CNTN3: variants seen among roughly 807,000 people sequenced by gnomAD.
CNTN3 encodes the protein contactin 3, also known as contactin-3.
A neutral mutation model predicts 119.1 loss-of-function variants in CNTN3; 60 were observed. The observed-to-expected ratio is 0.50, with a 90% CI of 0.41 to 0.62. The LOEUF (loss-of-function observed/expected upper bound fraction) is 0.62. Ranked by LOEUF, CNTN3 falls within the 20% of genes least tolerant of loss-of-function variation. CNTN3 has a pLI of 0.00. For synonymous variants in CNTN3, 450 were observed against 438.7 expected (o/e 1.03, Z -0.32); for missense variants, 1,101 against 1,242.4 (o/e 0.89, Z 1.71).
intron 4 of CNTN3, among the ~76,000 whole-genome samples, chr3:74,435,562 C>T (rs990856473): frequency 1.3e-5 from 2 of 152,150 alleles, no homozygotes; most frequent in Admixed American, 6.5e-5. Flanking sequence ...CCTTAGATTA[C>T]ACTCTTATGA....
intron 5 of CNTN3, among the ~76,000 whole-genome samples, chr3:74,413,158 TTC>T (rs1314539918): frequency 6.6e-6 from 1 of 152,184 alleles, no homozygotes; most frequent in African/African-American, 2.4e-5. Context: ...CAGTTTTATT[TTC>T]TCTGTGTCAT....
intron 13 of CNTN3, among the ~76,000 whole-genome samples, chr3:74,325,952 A>T (rs1377421557): frequency 6.6e-6 from 1 of 152,152 alleles, no homozygotes; most frequent in Non-Finnish European, 1.5e-5. Flanking sequence ...AAGTGCTATT[A>T]ACTATTCTTA....
intron 8 of CNTN3, 110 bp downstream of exon 8, chr3:74,369,079 A>T: frequency 1.4e-6 from 1 of 697,766 alleles, no homozygotes; most frequent in Non-Finnish European, 2.1e-6. Context: ...TTTAACCAAC[A>T]AGTTGAACAT....
intron 4 of CNTN3, among the ~76,000 whole-genome samples, chr3:74,428,239 T>G (rs2106904422): frequency 6.6e-6 from 1 of 152,284 alleles, no homozygotes; most frequent in South Asian, 2.1e-4. Context: ...ATTTTATTGT[T>G]ATTTTAGAAT....
intron 9 of CNTN3, 143 bp downstream of exon 9, chr3:74,365,423 A>C: frequency 9.7e-7 from 1 of 1,028,516 alleles, no homozygotes; most frequent in Non-Finnish European, 1.5e-6. Flanking sequence ...CTCCTGTACC[A>C]CTGCTTAGAA....
In CNTN3 at chr3:74,270,493, A is replaced by T. The variant is rs551358184; in HGVS notation, c.2705-3115T>A. Among the ~76,000 whole-genome samples, 7 of 152,266 alleles carry T rather than the reference A, an allele frequency of 4.6e-5. No homozygotes were observed. The East Asian group carries it at 1.2e-3, about 25-fold the overall frequency. ...ATATAGTATGAGTTGAAGAAAAAAA[A>T]GTATAGTTTTAGGCCACTGAGGTTT... On this transcript the variant is annotated intron_variant, in intron 20 of 22. Coordinates refer to ENST00000263665, the MANE Select transcript of CNTN3 (RefSeq NM_020872.3).
At chr3:74,521,347 C>T (rs1439948297) in intron 1 of CNTN3, among the ~76,000 whole-genome samples, 155 bp from the exon 2 acceptor site, 1 of 150,884 alleles carries the variant, frequency 6.6e-6, no homozygotes, top group African/African-American at 2.4e-5. Context: ...ATAGAGGACG[C>T]TTGAAATGTA....
chr3:74,285,599 C>A (rs1471569394), intron 19 of CNTN3, 108 bp from the exon 20 acceptor site: 41 of 1,109,058 alleles, frequency 3.7e-5, no homozygotes, highest in Admixed American at 9.2e-5. Flanking sequence ...TTTGTTCAAC[C>A]AATATTTACT....
intron 18 of CNTN3, among the ~76,000 whole-genome samples, chr3:74,295,722 G>A (rs1012554703): frequency 2.0e-5 from 3 of 152,180 alleles, no homozygotes; most frequent in African/African-American, 7.2e-5. Flanking sequence ...TGGATGGCAT[G>A]CTCTTTTGAA....
At chr3:74,478,896 G>A (rs1043276752) in intron 4 of CNTN3, among the ~76,000 whole-genome samples, 3 of 152,036 alleles carry the variant, frequency 2.0e-5, no homozygotes, top group African/African-American at 7.2e-5. Flanking sequence ...GATATGAGAA[G>A]CTATTACAAC....
intron 1 of CNTN3, among the ~76,000 whole-genome samples, chr3:74,611,783 G>A (rs1041418682): frequency 5.3e-5 from 8 of 152,150 alleles, no homozygotes. Flanking sequence ...CTACAAGTGA[G>A]CACCTTAAAG....
chr3:74,482,839 C>A (rs1306648205), intron 4 of CNTN3, among the ~76,000 whole-genome samples: 1 of 152,080 alleles, frequency 6.6e-6, no homozygotes, highest in African/African-American at 2.4e-5. Context: ...CATTCTAATC[C>A]CTTCTTTCAG....
rs566937965 is a variant in CNTN3 at position 74,373,168 on chromosome 3, A to G, written c.455-1769T>C. ...TGTATGAAACAAATGCATCTCAAACATTATGGTTATTCTCAGGCCTATCCT... is the reference window on the plus strand; with the variant it reads ...TGTATGAAACAAATGCATCTCAAACGTTATGGTTATTCTCAGGCCTATCCT... On this transcript the variant is annotated intron_variant, in intron 5 of 22. Transcript: ENST00000263665. Among the ~76,000 whole-genome samples, 100 of 152,318 alleles carry G rather than the reference A, an allele frequency of 6.6e-4. 1 individual carries two copies. Among genetic ancestry groups the G allele is most frequent in the Non-Finnish European group, 3.4e-4 (23 of 68,028 alleles).
intron 1 of CNTN3, among the ~76,000 whole-genome samples, chr3:74,531,894 G>GTTCCAAAACATTCCAAA (rs1703698186): frequency 6.6e-6 from 1 of 151,894 alleles, no homozygotes. Flanking sequence ...TCCAAAACAG[G>GTTCCAAAACATTCCAAA]ATGTTGTGAT....
Position 74,370,003 on chromosome 3 carries a change from C to T in CNTN3, c.659-12G>A, listed in dbSNP as rs1278174690. On this transcript the variant is annotated splice_polypyrimidine_tract_variant and intron_variant, in intron 6 of 22. Transcript: ENST00000263665. ...TTCACCCATCACACCTATAAATCCACAATATAAAGTTAATCGTTTCAATAT... is the reference window on the plus strand; with the variant it reads ...TTCACCCATCACACCTATAAATCCATAATATAAAGTTAATCGTTTCAATAT... The T allele has an allele frequency of 7.1e-7, 1 of 1,403,592 alleles. No homozygotes were observed. The highest frequency in any genetic ancestry group is 1.0e-6 in the Non-Finnish European group (1 of 997,264). 86.9% of individuals were successfully genotyped at this position (1,403,592 alleles called of 1,614,324 possible).
At chr3:74,466,896 A>G (rs1702471461) in intron 4 of CNTN3, among the ~76,000 whole-genome samples, 1 of 152,292 alleles carries the variant, frequency 6.6e-6, no homozygotes, top group South Asian at 2.1e-4. Flanking sequence ...TGGGAAATTG[A>G]CAGACAGCAG....
At chr3:74,338,565 G>A (rs1337030760) in intron 11 of CNTN3, among the ~76,000 whole-genome samples, 2 of 151,788 alleles carry the variant, frequency 1.3e-5, no homozygotes, top group Non-Finnish European at 2.9e-5. Flanking sequence ...TAGACTATAG[G>A]AGACTGCCAC....
At chr3:74,355,906 A>C (rs1056634575) in intron 11 of CNTN3, among the ~76,000 whole-genome samples, 4 of 152,122 alleles carry the variant, frequency 2.6e-5, no homozygotes, top group African/African-American at 9.7e-5. Flanking sequence ...TCTACTGCCC[A>C]ATTCTCTCTG....
intron 5 of CNTN3, among the ~76,000 whole-genome samples, chr3:74,415,119 T>C (rs1701499843): frequency 1.3e-5 from 2 of 152,090 alleles, no homozygotes; most frequent in Admixed American, 1.3e-4. Flanking sequence ...GGCTCCTCTG[T>C]CTGTTGGTGG....
Sources: allele counts gnomAD v4.1 joint callset (sites outside exome capture counted in the v4.1 genomes callset), GRCh38; gene constraint gnomAD v4.1.1; transcripts MANE v1.5; gene names NCBI Gene and HGNC (gene_info 2026-07-23, HGNC 2026-07-21).